Variants in B3GALT1 observed in about 807,000 individuals in gnomAD.
The protein encoded by B3GALT1 is UDP-Gal:betaGlcNAc beta 1,3-galactosyltransferase, polypeptide 1.
In B3GALT1, 10 loss-of-function variants were observed where a neutral mutation model predicts 23.2. That is an observed-to-expected ratio of 0.43 (90% CI 0.27 to 0.73). The LOEUF is 0.73. Ranked by LOEUF, B3GALT1 falls within the 30% of genes least tolerant of loss-of-function variation. B3GALT1 has a pLI of 0.21. For synonymous variants in B3GALT1, 156 were observed against 141.5 expected, an observed-to-expected ratio of 1.10 and a Z score of -0.73; for missense variants, 299 against 405.4, an observed-to-expected ratio of 0.74 and a Z score of 2.25.
intron 3 of B3GALT1, among the ~76,000 whole-genome samples, chr2:167,672,980 C>CTG (rs372054524): frequency 6.9e-6 from 1 of 143,908 alleles, no homozygotes; most frequent in African/African-American, 2.6e-5. Flanking sequence ...GAGAGAGAGA[C>CTG]TGTGTGTGTG....
intron 2 of B3GALT1, among the ~76,000 whole-genome samples, chr2:167,596,026 C>G (rs1203578476): frequency 6.6e-6 from 1 of 152,188 alleles, no homozygotes; most frequent in Non-Finnish European, 1.5e-5. Context: ...CCCTGGTCTC[C>G]CTCTTCAGCA....
At chr2:167,737,656 G>A (rs1249054922) in intron 3 of B3GALT1, among the ~76,000 whole-genome samples, 1 of 152,236 alleles carries the variant, frequency 6.6e-6, no homozygotes, top group Non-Finnish European at 1.5e-5. Context: ...CTGCCCTGAA[G>A]GAGGTGAAAT....
At chr2:167,352,000 AC>A (rs1486655957) in intron 1 of B3GALT1, among the ~76,000 whole-genome samples, 1 of 143,030 alleles carries the variant, frequency 7.0e-6, no homozygotes, top group African/African-American at 2.8e-5. Flanking sequence ...TTGCTCTGTC[AC>A]CAGGCTGGAG....
chr2:167,813,559 T>C (rs1473831669), intron 3 of B3GALT1, among the ~76,000 whole-genome samples: 2 of 152,340 alleles, frequency 1.3e-5, no homozygotes, highest in Admixed American at 1.3e-4. Flanking sequence ...AACTAACTGA[T>C]GTTTTTGCAA....
chr2:167,515,609 CT>C (rs946919816), intron 2 of B3GALT1, among the ~76,000 whole-genome samples: 15 of 152,020 alleles, frequency 9.9e-5, no homozygotes. Context: ...TATAAAGCCA[CT>C]TCCATTATTG....
chr2:167,760,722 T>C (rs543226950), intron 3 of B3GALT1, among the ~76,000 whole-genome samples: 7 of 152,350 alleles, frequency 4.6e-5, no homozygotes, highest in Admixed American at 2.6e-4. Flanking sequence ...ATCTAAAGAA[T>C]AGCAGTTGGC....
rs542485887 is a variant in B3GALT1, at chr2:167,404,642, A to C, written c.-510-85535A>C. On this transcript the variant is annotated intron_variant, in intron 1 of 4. Coordinates refer to ENST00000392690, the MANE Select transcript of B3GALT1 (RefSeq NM_020981.4). ...ATGTAAGTCCTCTTTTCATAGTAAA[A>C]TTGATGTAAGATGGCACAGTCATTC... Among the ~76,000 whole-genome samples the C allele has an allele frequency of 2.0e-5, 3 of 152,272 alleles. No homozygotes were observed. The East Asian group carries it at 5.8e-4, about 29-fold the overall frequency.
chr2:167,342,494 G>A (rs978927034), intron 1 of B3GALT1, among the ~76,000 whole-genome samples: 1 of 151,878 alleles, frequency 6.6e-6, no homozygotes, highest in African/African-American at 2.4e-5. Context: ...GGAGGCTGAG[G>A]CAGGAGAATC....
At chr2:167,649,239 C>G (rs917907716) in intron 3 of B3GALT1, among the ~76,000 whole-genome samples, 7 of 152,044 alleles carry the variant, frequency 4.6e-5, no homozygotes, top group African/African-American at 1.7e-4. Flanking sequence ...TGCATTCACT[C>G]TAATTCATGC....
chr2:167,394,548 G>A (rs968044500), intron 1 of B3GALT1, among the ~76,000 whole-genome samples: 4 of 151,696 alleles, frequency 2.6e-5, no homozygotes, highest in African/African-American at 7.3e-5. Flanking sequence ...TTTTTTTTAT[G>A]TTGGGGATCC....
chr2:167,547,784 T>C (rs1232790161), intron 2 of B3GALT1, among the ~76,000 whole-genome samples: 1 of 151,970 alleles, frequency 6.6e-6, no homozygotes, highest in Non-Finnish European at 1.5e-5. Flanking sequence ...TCTTCCTTGC[T>C]TTACTAGGCT....
intron 3 of B3GALT1, among the ~76,000 whole-genome samples, chr2:167,718,942 G>A (rs1687191536): frequency 6.6e-6 from 1 of 152,146 alleles, no homozygotes; most frequent in African/African-American, 2.4e-5. Context: ...TTTTGGGGTA[G>A]CATATCTGGA....
intron 2 of B3GALT1, among the ~76,000 whole-genome samples, chr2:167,615,475 G>A (rs1034853678): frequency 6.6e-6 from 1 of 151,974 alleles, no homozygotes; most frequent in Non-Finnish European, 1.5e-5. Flanking sequence ...GGTCTACTGT[G>A]CATAGTGACG....
At chr2:167,771,788 G>T (rs1039330678) in intron 3 of B3GALT1, among the ~76,000 whole-genome samples, 7 of 152,134 alleles carry the variant, frequency 4.6e-5, no homozygotes, top group Non-Finnish European at 7.4e-5. Context: ...AAAGTAGAGG[G>T]AATGAAAAGG....
At chr2:167,868,030 A>C (rs1251075456) in intron 4 of B3GALT1, among the ~76,000 whole-genome samples, 5 of 152,244 alleles carry the variant, frequency 3.3e-5, no homozygotes, top group African/African-American at 1.2e-4. Context: ...GGGCCAGTAT[A>C]ATTTCATCAA....
intron 3 of B3GALT1, among the ~76,000 whole-genome samples, chr2:167,651,236 TTG>T (rs747590317): frequency 1.2e-3 from 110 of 89,404 alleles, no homozygotes; most frequent in African/African-American, 3.1e-3. Flanking sequence ...AGCAGAAAGG[TTG>T]TGTGTGTGTG....
chr2:167,735,609 CAGATAT>C (rs1286322914), intron 3 of B3GALT1, among the ~76,000 whole-genome samples: 1 of 152,010 alleles, frequency 6.6e-6, no homozygotes, highest in Non-Finnish European at 1.5e-5. Flanking sequence ...TATATTCCTA[CAGATAT>C]AGATATATAT....
chr2:167,311,523 GA>G (rs1309392410), intron 1 of B3GALT1, among the ~76,000 whole-genome samples: 2 of 151,934 alleles, frequency 1.3e-5, no homozygotes, highest in Admixed American at 1.3e-4. Context: ...AAAAAATGTA[GA>G]TGCACCAGGA....
intron 1 of B3GALT1, among the ~76,000 whole-genome samples, chr2:167,441,755 G>A (rs180873463): frequency 2.8e-4 from 42 of 152,078 alleles, no homozygotes; most frequent in Admixed American, 2.5e-3. Context: ...GAGCTGGGCA[G>A]GGGGGCATGC....
Sources: allele counts gnomAD v4.1 joint callset (sites outside exome capture counted in the v4.1 genomes callset), GRCh38; gene constraint gnomAD v4.1.1; transcripts MANE v1.5; gene names NCBI Gene and HGNC (gene_info 2026-07-23, HGNC 2026-07-21).